The following FNBP1L variants were observed in gnomAD, a reference collection of about 807,000 sequenced individuals.
FNBP1L encodes the protein formin binding protein 1 like.
A neutral mutation model predicts 91.2 loss-of-function variants in FNBP1L; 36 were observed. The observed-to-expected ratio is 0.39, with a 90% CI of 0.30 to 0.52. The LOEUF (loss-of-function observed/expected upper bound fraction) is 0.52. Ranked by LOEUF, FNBP1L falls within the 20% of genes least tolerant of loss-of-function variation. The probability of loss-of-function intolerance (pLI) is 0.66; values close to 1 mark genes in which losing one functional copy is unlikely to be tolerated. For missense variants in FNBP1L, 571 were observed against 732.1 expected (o/e 0.78, Z 2.54); for synonymous variants, 242 against 237.0 (o/e 1.02, Z -0.19).
At chr1:93,475,243 T>C (rs1570779293) in intron 1 of FNBP1L, among the ~76,000 whole-genome samples, 1 of 152,094 alleles carries the variant, frequency 6.6e-6, no homozygotes, top group Middle Eastern at 3.4e-3. Flanking sequence ...TGAAAATATA[T>C]AATAAAAAAT....
At chr1:93,510,362 C>A (rs1366142730) in intron 2 of FNBP1L, among the ~76,000 whole-genome samples, 1 of 152,042 alleles carries the variant, frequency 6.6e-6, no homozygotes, top group South Asian at 2.1e-4. Context: ...ACACCTCACA[C>A]GGCTGGGTAC....
chr1:93,505,111 T>C (rs531993361), intron 2 of FNBP1L, among the ~76,000 whole-genome samples: 852 of 38,162 alleles, frequency 0.022, 1 homozygote, highest in South Asian at 0.033. Flanking sequence ...AGCTTCATTC[T>C]TTTTTTTTTT....
intron 16 of FNBP1L, 181 bp from the exon 17 acceptor site, chr1:93,552,226 AGT>A (rs1294007702): frequency 1.4e-6 from 2 of 1,380,988 alleles, no homozygotes; most frequent in Non-Finnish European, 1.9e-6. Context: ...GGGGAAGTAA[AGT>A]GTGAAGAAGC....
chr1:93,494,822 C>T (rs969039134), intron 1 of FNBP1L, among the ~76,000 whole-genome samples: 4 of 152,132 alleles, frequency 2.6e-5, no homozygotes, highest in South Asian at 2.1e-4. Flanking sequence ...ACAATCATGG[C>T]GGAAGACAAA....
chr1:93,494,250 A>G (rs995973432), intron 1 of FNBP1L, among the ~76,000 whole-genome samples: 37 of 152,310 alleles, frequency 2.4e-4, no homozygotes, highest in African/African-American at 8.9e-4. Context: ...ATGAACAGCT[A>G]GATGAAGAGG....
chr1:93,545,749 G>T (rs1395000996), intron 12 of FNBP1L, among the ~76,000 whole-genome samples: 1 of 151,908 alleles, frequency 6.6e-6, no homozygotes, highest in Non-Finnish European at 1.5e-5. Context: ...GCATGACCAT[G>T]GGAATAGAAA....
chr1:93,470,433 T>A lies in FNBP1L; in HGVS notation c.24+22128T>A, dbSNP rs573116788. 5.3e-5 allele frequency among the ~76,000 whole-genome samples: 8 copies of A among 152,368 alleles called. No homozygotes were observed. In the South Asian group the frequency reaches 1.7e-3, roughly 32 times the overall value. ...ATGAGCCATCACACTCAGCCTTGTC[T>A]GTTACTTTTTAAAAGAAACTTTTCC... On this transcript the variant is annotated intron_variant, in intron 1 of 16. Coordinates refer to ENST00000271234, the MANE Select transcript of FNBP1L (RefSeq NM_001164473.3).
At position 93,549,349 on chromosome 1, in the gene FNBP1L, A is replaced by T. The variant is rs201967018; in HGVS notation, c.1574A>T (p.Asn525Ile). Residue 525 changes from asparagine to isoleucine, a missense_variant, in exon 15 of 17, where the codon AAT becomes ATT. This residue lies in a region of FNBP1L where 189 missense variants were observed against 219.7 expected (regional missense o/e 0.86). Coordinates refer to ENST00000271234, the MANE Select transcript of FNBP1L (RefSeq NM_001164473.3). The stretch of plus-strand genomic sequence containing the variant: ...CCACCCCAGCAGCATGGTCACCACA[A>T]TGAGTTTGATGATGAATTTGAGGAT... Reference protein sequence around the residue: ...RGPPQQHGHHNEFDDEFEDDD... With the variant: ...RGPPQQHGHHIEFDDEFEDDD... 1 of 1,612,922 alleles carries T rather than the reference A, an allele frequency of 6.2e-7. No individual in the cohort carries two copies. Among genetic ancestry groups the T allele is most frequent in the Admixed American group, 1.7e-5 (1 of 59,782 alleles).
intron 8 of FNBP1L, among the ~76,000 whole-genome samples, chr1:93,533,543 T>G (rs868494258): frequency 1.3e-5 from 2 of 152,286 alleles, no homozygotes; most frequent in Middle Eastern, 6.8e-3. Context: ...GTAATCACAT[T>G]GTATCTTGAT....
At chr1:93,464,319 A>G (rs551777304) in intron 1 of FNBP1L, among the ~76,000 whole-genome samples, 8 of 152,146 alleles carry the variant, frequency 5.3e-5, no homozygotes, top group Non-Finnish European at 8.8e-5. Flanking sequence ...GATATGTACA[A>G]TTTTCTCTAA....
intron 1 of FNBP1L, among the ~76,000 whole-genome samples, chr1:93,468,033 A>G (rs541796051): frequency 1.4e-4 from 22 of 152,202 alleles, no homozygotes; most frequent in African/African-American, 5.3e-4. Context: ...CCGTGTAACC[A>G]CTGATCTTTT....
chr1:93,470,839 C>T (rs533923032), intron 1 of FNBP1L, among the ~76,000 whole-genome samples: 1 of 145,982 alleles, frequency 6.9e-6, no homozygotes, highest in South Asian at 2.1e-4. Context: ...TGCCACTGCA[C>T]TGCAGCCTGG....
At chr1:93,489,740 A>AT (rs1269805005) in intron 1 of FNBP1L, among the ~76,000 whole-genome samples, 1 of 152,150 alleles carries the variant, frequency 6.6e-6, no homozygotes, top group Non-Finnish European at 1.5e-5. Flanking sequence ...AACTAAATTG[A>AT]TTTTTTAAAA....
chr1:93,491,225 G>A (rs966644566), intron 1 of FNBP1L, among the ~76,000 whole-genome samples: 2 of 152,092 alleles, frequency 1.3e-5, no homozygotes, highest in Middle Eastern at 3.4e-3. Context: ...GATTACAGGC[G>A]TGAGCCACCA....
chr1:93,467,392 C>T (rs12135266), intron 1 of FNBP1L, among the ~76,000 whole-genome samples: 72,097 of 151,974 alleles, frequency 0.47, 20,546 homozygotes, highest in Non-Finnish European at 0.61. Flanking sequence ...CAGAGAAGGA[C>T]GAATATTGTA....
intron 2 of FNBP1L, among the ~76,000 whole-genome samples, chr1:93,506,819 A>G (rs184709905): frequency 7.2e-5 from 11 of 152,264 alleles, no homozygotes; most frequent in Non-Finnish European, 8.8e-5. Flanking sequence ...ACTGAAACTC[A>G]AAAGTAAATA....
intron 7 of FNBP1L, among the ~76,000 whole-genome samples, 195 bp from the exon 8 acceptor site, chr1:93,532,727 T>C (rs969653733): frequency 6.6e-6 from 1 of 152,142 alleles, no homozygotes; most frequent in Admixed American, 6.5e-5. Context: ...TTACTATTTT[T>C]TTTCTTTCTT....
intron 1 of FNBP1L, among the ~76,000 whole-genome samples, chr1:93,468,382 T>C (rs1669165080): frequency 6.6e-6 from 1 of 152,218 alleles, no homozygotes; most frequent in African/African-American, 2.4e-5. Flanking sequence ...TTTTCTATTT[T>C]TGGCATGAAT....
intron 1 of FNBP1L, among the ~76,000 whole-genome samples, chr1:93,483,863 G>A (rs192458285): frequency 3.5e-4 from 54 of 152,254 alleles, no homozygotes; most frequent in African/African-American, 1.2e-3. Context: ...ATCAACACAA[G>A]GGAACAAAGC....
Sources: allele counts gnomAD v4.1 joint callset (sites outside exome capture counted in the v4.1 genomes callset), GRCh38; gene constraint gnomAD v4.1.1; regional missense constraint gnomAD v4.1.1; transcripts MANE v1.5; gene names NCBI Gene and HGNC (gene_info 2026-07-23, HGNC 2026-07-21).